XPR1: variants seen among roughly 807,000 people sequenced by gnomAD.
XPR1 encodes solute carrier family 53 member 1.
XPR1 carries 28 observed loss-of-function variants against 87.5 expected under a neutral mutation model. The ratio of observed to expected loss-of-function variants is 0.32; its 90% CI spans 0.24 to 0.44. The LOEUF (loss-of-function observed/expected upper bound fraction) is 0.44, where lower values mean the gene tolerates loss of function less well. Among genes scored for constraint, XPR1 ranks in the 20% least tolerant of loss-of-function variants. XPR1 has a pLI of 1.00. For synonymous variants in XPR1, 300 were observed against 306.1 expected, an observed-to-expected ratio of 0.98 and a Z score of 0.21; for missense variants, 559 against 862.3, an observed-to-expected ratio of 0.65 and a Z score of 4.41.
chr1:180,800,965 TC>T (rs1649758294), intron 3 of XPR1, among the ~76,000 whole-genome samples: 1 of 152,180 alleles, frequency 6.6e-6, no homozygotes, highest in African/African-American at 2.4e-5. Flanking sequence ...GGAGTTTTTT[TC>T]TGTTACATCA....
In XPR1 at chr1:180,880,248, T is replaced by A. The variant is rs1245152060; in HGVS notation, c.1981T>A (p.Trp661Arg). The A allele has an allele frequency of 6.2e-7, 1 of 1,614,220 alleles. No homozygotes were observed. Among genetic ancestry groups the A allele is most frequent in the Admixed American group, 1.7e-5 (1 of 60,022 alleles). The change falls in exon 14 of 15, where the codon TGG becomes AGG. Residue 661 changes from tryptophan to arginine, a missense_variant. This residue lies in a region of XPR1 where 80 missense variants were observed against 99.5 expected (regional missense o/e 0.80). Transcript: ENST00000367590. ...GVRNRQKNRS[W>R]KYNQSISLRR... The stretch of plus-strand genomic sequence containing the variant: ...ACGAAACCGCCAGAAGAATCGGTCA[T>A]GGAAGTACAACCAGAGCATATCCCT...
rs1448215614 is a variant in XPR1 at position 180,696,200 on chromosome 1, GTGTGTGTGTA to G, written c.121+13791_121+13800del. Among the ~76,000 whole-genome samples, 56 of 110,080 alleles carry G rather than the reference GTGTGTGTGTA, an allele frequency of 5.1e-4. No homozygotes were observed. The East Asian group carries it at 5.4e-3, about 11-fold the overall frequency. The allele number at this position is 110,080 out of a possible 152,430, so 72.2% of individuals were successfully genotyped here. ...TGTGTGTGTGTGTGTGTGTGTGTGT[GTGTGTGTGTA>G]TATATATATATATATATATATTATG... On this transcript the variant is annotated intron_variant, in intron 2 of 14. Coordinates refer to ENST00000367590, the MANE Select transcript of XPR1 (RefSeq NM_004736.4).
At chr1:180,873,094 T>C (rs1319763743) in intron 12 of XPR1, among the ~76,000 whole-genome samples, 1 of 152,152 alleles carries the variant, frequency 6.6e-6, no homozygotes, top group Non-Finnish European at 1.5e-5. Context: ...TAAATACATA[T>C]ATTTAAAGAG....
At chr1:180,798,948 A>G (rs1649685556) in intron 3 of XPR1, among the ~76,000 whole-genome samples, 1 of 152,200 alleles carries the variant, frequency 6.6e-6, no homozygotes, top group South Asian at 2.1e-4. Flanking sequence ...ATTATTGGTC[A>G]TGGAAGTAAT....
rs1649083957 is a variant in XPR1 at position 180,785,011 on chromosome 1, T to TGTGTGTGTGTGTG, written c.122-2742_122-2741insGTGTGTGTGTGTG. ...GTTAGTTTTTTTCGTGTGTGTGTGT[T>TGTGTGTGTGTGTG]TGTGTGTGTGTGTGTGTGTGTGTGT... is the stretch of plus-strand genomic sequence containing the variant. On this transcript the variant is annotated intron_variant, in intron 2 of 14. Coordinates refer to ENST00000367590, the MANE Select transcript of XPR1 (RefSeq NM_004736.4). 5.1e-5 allele frequency among the ~76,000 whole-genome samples: 7 copies of TGTGTGTGTGTGTG among 136,280 alleles called. No homozygotes were observed. In the South Asian group the frequency reaches 7.4e-4, roughly 14 times the overall value. The allele number at this position is 136,280 out of a possible 152,430, so 89.4% of individuals were successfully genotyped here.
Position 180,729,088 on chromosome 1 carries a change from G to A in XPR1, c.121+46677G>A, listed in dbSNP as rs112633683. 7.0e-3 allele frequency among the ~76,000 whole-genome samples: 1,070 copies of A among 152,266 alleles called. 6 individuals are homozygous for A. The highest frequency in any genetic ancestry group is 0.024 in the African/African-American group (1,008 of 41,550). On this transcript the variant is annotated intron_variant, in intron 2 of 14. Coordinates refer to ENST00000367590, the MANE Select transcript of XPR1 (RefSeq NM_004736.4). ...CTCCTGCTTATAAATGAGAACATGA[G>A]GTATTTGGTTTTTTGTTCCTGTGTT...
chr1:180,842,830 G>A (rs1651561939), intron 11 of XPR1, among the ~76,000 whole-genome samples: 1 of 152,154 alleles, frequency 6.6e-6, no homozygotes, highest in Non-Finnish European at 1.5e-5. Context: ...AATTTTTAGT[G>A]ATTTAGTTAG....
At chr1:180,737,293 A>G (rs571418974) in intron 2 of XPR1, among the ~76,000 whole-genome samples, 2 of 152,328 alleles carry the variant, frequency 1.3e-5, no homozygotes, top group South Asian at 4.1e-4. Flanking sequence ...CACTGGAGTT[A>G]TCATTGAAAT....
chr1:180,797,736 A>G (rs1043718493), intron 3 of XPR1, among the ~76,000 whole-genome samples: 4 of 152,076 alleles, frequency 2.6e-5, no homozygotes, highest in Admixed American at 6.6e-5. Context: ...ATTTCATTTT[A>G]TGTTTGTGTG....
At chr1:180,846,454 T>TTC (rs1391369245) in intron 11 of XPR1, among the ~76,000 whole-genome samples, 1 of 151,334 alleles carries the variant, frequency 6.6e-6, no homozygotes, top group Admixed American at 6.6e-5. Flanking sequence ...TATTTATTTT[T>TTC]TTTTTGAGAT....
chr1:180,866,025 G>A (rs1377958573), intron 12 of XPR1, among the ~76,000 whole-genome samples: 1 of 151,986 alleles, frequency 6.6e-6, no homozygotes, highest in Non-Finnish European at 1.5e-5. Context: ...GCATCATAGT[G>A]TGAGACACTG....
intron 7 of XPR1, among the ~76,000 whole-genome samples, chr1:180,815,170 GTAT>G (rs1395784172): frequency 2.0e-5 from 3 of 151,632 alleles, no homozygotes; most frequent in Non-Finnish European, 2.9e-5. Flanking sequence ...GAGCATGGTG[GTAT>G]TATCATCATT....
At chr1:180,761,945 A>T (rs1648051017) in intron 2 of XPR1, among the ~76,000 whole-genome samples, 1 of 152,150 alleles carries the variant, frequency 6.6e-6, no homozygotes, top group African/African-American at 2.4e-5. Context: ...GCAGCCATAA[A>T]AAATGAAGAG....
At chr1:180,714,887 A>G (rs1433514581) in intron 2 of XPR1, among the ~76,000 whole-genome samples, 1 of 152,102 alleles carries the variant, frequency 6.6e-6, no homozygotes, top group African/African-American at 2.4e-5. Flanking sequence ...ATACAGTAGT[A>G]TGCTATTTAG....
intron 13 of XPR1, among the ~76,000 whole-genome samples, chr1:180,875,616 AACTTT>A (rs1177286464): frequency 6.6e-6 from 1 of 152,098 alleles, no homozygotes; most frequent in East Asian, 1.9e-4. Context: ...GGAAATGTGT[AACTTT>A]ACATGTATAT....
chr1:180,662,285 C>A (rs1233576357), intron 1 of XPR1, among the ~76,000 whole-genome samples: 1 of 152,044 alleles, frequency 6.6e-6, no homozygotes, highest in Admixed American at 6.6e-5. Flanking sequence ...TTTATTTGCC[C>A]TGAAATAATC....
At chr1:180,730,618 T>G (rs1276169116) in intron 2 of XPR1, among the ~76,000 whole-genome samples, 1 of 152,194 alleles carries the variant, frequency 6.6e-6, no homozygotes, top group Admixed American at 6.5e-5. Flanking sequence ...CATTTGCGTA[T>G]TAAGCCCTTC....
intron 1 of XPR1, among the ~76,000 whole-genome samples, chr1:180,649,120 T>G (rs985627115): frequency 3.3e-5 from 5 of 151,986 alleles, no homozygotes; most frequent in Non-Finnish European, 7.4e-5. Flanking sequence ...CATTTAGTAT[T>G]TTGATTAAAA....
intron 7 of XPR1, among the ~76,000 whole-genome samples, chr1:180,815,558 C>T (rs1268781764): frequency 6.6e-6 from 1 of 152,048 alleles, no homozygotes; most frequent in African/African-American, 2.4e-5. Context: ...TGCATAATTG[C>T]TGTGGTTTTT....
Sources: gnomAD v4.1 joint callset for allele counts (sites outside exome capture counted in the v4.1 genomes callset) on GRCh38, gnomAD v4.1.1 for gene constraint, gnomAD v4.1.1 regional missense constraint, MANE v1.5 for transcripts, NCBI Gene and HGNC (gene_info 2026-07-23, HGNC 2026-07-21) for gene names.